SART3: variants seen among roughly 807,000 people sequenced by gnomAD.
SART3 encodes spliceosome associated factor 3, U4/U6 recycling protein.
SART3 carries 44 observed loss-of-function variants against 122.3 expected under a neutral mutation model. That is an observed-to-expected ratio of 0.36 (90% CI 0.28 to 0.46). The LOEUF (loss-of-function observed/expected upper bound fraction) is 0.46, where lower values mean the gene tolerates loss of function less well. Among genes scored for constraint, SART3 ranks in the 20% least tolerant of loss-of-function variants. The pLI is 1.00. For missense variants in SART3, 1,101 were observed against 1,229.0 expected, an observed-to-expected ratio of 0.90 and a Z score of 1.56; for synonymous variants, 442 against 454.0, an observed-to-expected ratio of 0.97 and a Z score of 0.34.
chr12:108,551,868 T>C (rs2030022723), intron 1 of SART3, among the ~76,000 whole-genome samples: 1 of 151,982 alleles, frequency 6.6e-6, no homozygotes, highest in South Asian at 2.1e-4. Context: ...AGAGGAAGTC[T>C]CCAAGAAAAT....
chr12:108,531,163 T>C (rs763705073), intron 14 of SART3, 41 bp downstream of exon 14: 102 of 1,541,846 alleles, frequency 6.6e-5, no homozygotes, highest in Non-Finnish European at 8.4e-5. Context: ...TGAGCCAAAA[T>C]AGCTACCAGA....
intron 2 of SART3, among the ~76,000 whole-genome samples, chr12:108,548,427 T>C (rs1873534586): frequency 6.6e-6 from 1 of 152,186 alleles, no homozygotes; most frequent in Admixed American, 6.5e-5. Context: ...AACTGAGTCT[T>C]AGAATGTTTA....
chr12:108,541,149 G>A (rs1873139390), intron 6 of SART3, among the ~76,000 whole-genome samples: 1 of 152,210 alleles, frequency 6.6e-6, no homozygotes, highest in Admixed American at 6.5e-5. Context: ...ACTCACGCCT[G>A]TAATCCCAGC....
intron 17 of SART3, 61 bp downstream of exon 17, chr12:108,525,396 G>A (rs893281786): frequency 3.4e-5 from 54 of 1,582,714 alleles, no homozygotes; most frequent in African/African-American, 4.0e-5. Flanking sequence ...TCTTTGAACC[G>A]ATACAGAAAC....
intron 15 of SART3, among the ~76,000 whole-genome samples, chr12:108,527,858 C>T (rs1187392978): frequency 1.3e-5 from 2 of 152,120 alleles, no homozygotes; most frequent in South Asian, 2.1e-4. Context: ...CTCTGCCTCC[C>T]GGGCTCAAGT....
intron 1 of SART3, among the ~76,000 whole-genome samples, chr12:108,557,216 T>TG (rs1178808951): frequency 3.5e-5 from 5 of 143,688 alleles, no homozygotes; most frequent in South Asian, 2.3e-4. Flanking sequence ...GTTTTTTTTT[T>TG]TTTTTTTTTT....
At position 108,539,111 on chromosome 12, in the gene SART3, T is replaced by C. The variant is rs199978943; in HGVS notation, c.907-22A>G. On this transcript the variant is annotated intron_variant, in intron 6 of 18. Transcript: ENST00000546815. ...GCAACTGGAGTACAGGAAAATTGTA[T>C]TGAATTTAGTTACTGGCAGGAAGCA... The C allele has an allele frequency of 1.7e-5, 27 of 1,613,866 alleles. No homozygotes were observed. In the East Asian group the frequency reaches 2.5e-4, roughly 15 times the overall value.
At chr12:108,540,369 T>C (rs1293530981) in intron 6 of SART3, among the ~76,000 whole-genome samples, 1 of 152,208 alleles carries the variant, frequency 6.6e-6, no homozygotes, top group Non-Finnish European at 1.5e-5. Context: ...AAGACCTTTT[T>C]GAACACAGAA....
At position 108,523,546 on chromosome 12, in the gene SART3, CAG is replaced by C; in HGVS notation, c.2801_2802del (p.Pro934ArgfsTer75). ...GGGGCGGCAACTGCAGGAGCCGCGG[CAG>C]GGCCGTTCTCAGCCTGAGGAGCTGC... ...SAAAPQAENG[P>X]AAAPAVAAPA... On this transcript the variant is annotated frameshift_variant, in exon 19 of 19. Transcript: ENST00000546815. LOFTEE classifies it high-confidence loss of function. 1 of 1,613,944 alleles carries C rather than the reference CAG, an allele frequency of 6.2e-7. No homozygotes were observed. Among genetic ancestry groups the C allele is most frequent in the Non-Finnish European group, 8.5e-7 (1 of 1,180,002 alleles).
chr12:108,531,833 AG>A, intron 13 of SART3: 1 of 327,740 alleles, frequency 3.1e-6, no homozygotes, highest in East Asian at 7.8e-5. Flanking sequence ...TGACTCTCAA[AG>A]GAGGGATCCT....
intron 12 of SART3, 62 bp downstream of exon 12, chr12:108,535,297 G>A: frequency 7.6e-7 from 1 of 1,322,020 alleles, no homozygotes; most frequent in Non-Finnish European, 1.1e-6. Flanking sequence ...GAGTCAGCCA[G>A]GAGTGAAGAC....
intron 1 of SART3, chr12:108,560,281 G>A (rs925301462): frequency 6.4e-6 from 1 of 156,480 alleles, no homozygotes; most frequent in Non-Finnish European, 1.4e-5. Flanking sequence ...AGGAAGTCGA[G>A]AGGGTGAGAG....
chr12:108,524,268 G>A, intron 18 of SART3, 48 bp downstream of exon 18: 1 of 1,499,424 alleles, frequency 6.7e-7, no homozygotes. Context: ...CCATGAACTG[G>A]TGCCAGCCAG....
intron 15 of SART3, among the ~76,000 whole-genome samples, chr12:108,527,872 T>C (rs1335534316): frequency 6.6e-6 from 1 of 151,940 alleles, no homozygotes; most frequent in Non-Finnish European, 1.5e-5. Context: ...CTCAAGTAAT[T>C]CTCCTGTCTC....
chr12:108,526,432 C>T lies in SART3; in HGVS notation c.2037G>A (p.Ser679=), dbSNP rs200135717. The T allele has an allele frequency of 1.2e-5, 20 of 1,614,040 alleles. No homozygotes were observed. The highest frequency in any genetic ancestry group is 1.2e-4 in the Admixed American group (7 of 59,990). Residue 679 remains serine (S), a synonymous_variant, in exon 16 of 19, where the codon TCG becomes TCA. Transcript: ENST00000546815. ...GGGAGGCTGCCTTCTCCTTCTGCTTCGAAGGGGGCTCCACATCTACGGCAG... is the reference window on the plus strand; with the variant it reads ...GGGAGGCTGCCTTCTCCTTCTGCTTTGAAGGGGGCTCCACATCTACGGCAG... ...KCAAVDVEPP[S]KQKEKAASLK... is the part of the protein sequence containing the mutation.
At chr12:108,553,362 G>A (rs968511711) in intron 1 of SART3, among the ~76,000 whole-genome samples, 1 of 152,148 alleles carries the variant, frequency 6.6e-6, no homozygotes, top group African/African-American at 2.4e-5. Flanking sequence ...ATCATTGAGG[G>A]AAACTGGGTA....
chr12:108,549,135 A>C lies in SART3; in HGVS notation c.392T>G (p.Val131Gly). ...LLRLEGELTK[V>G]RMARQKMSEI... ...ACTCATCTTCTGGCGGGCCATCCTCACCTTGGTAAGCTCCCCTTCCAGCCT... is the reference window on the plus strand; with the variant it reads ...ACTCATCTTCTGGCGGGCCATCCTCCCCTTGGTAAGCTCCCCTTCCAGCCT... The change falls in exon 2 of 19, where the codon GTG becomes GGG. Residue 131 changes from valine (V) to glycine (G), a missense_variant. Around this residue, in one of 2 missense-constraint regions of SART3, gnomAD observed 885 missense variants for 1,080.1 expected, o/e 0.82. Transcript: ENST00000546815. 6.2e-7 allele frequency: 1 copy of C among 1,614,166 alleles called. No individual in the cohort carries two copies. Among genetic ancestry groups the C allele is most frequent in the South Asian group, 1.1e-5 (1 of 91,088 alleles).
In SART3 at chr12:108,537,709, A is replaced by T. The variant is rs950164570; in HGVS notation, c.1202-114T>A. On this transcript the variant is annotated intron_variant, in intron 8 of 18. Transcript: ENST00000546815. ...ATGACTTTAAAGACTAATAGATGCA[A>T]CAGAATGAAATGAGCTAGACAGGAA... 19 of 803,934 alleles carry T rather than the reference A, an allele frequency of 2.4e-5. No homozygotes were observed. The Middle Eastern group carries it at 9.6e-4, about 41-fold the overall frequency. 49.8% of individuals were successfully genotyped at this position (803,934 alleles called of 1,614,324 possible). A position where few individuals can be genotyped will look rare whatever the true frequency, so the allele number is the denominator to read the frequency against.
At position 108,523,286 on chromosome 12, in the gene SART3, G is replaced by C. The variant is rs1277624367; in HGVS notation, c.*171C>G. On this transcript the variant is annotated 3_prime_UTR_variant, in exon 19 of 19. Transcript: ENST00000546815. ...ACTGCCCTCAATATGAGGGAGCACT[G>C]AAAGGCTCTTGACTTAGAACCCCTT... The C allele has an allele frequency of 4.2e-6, 3 of 721,850 alleles. No homozygotes were observed. The Admixed American group carries it at 6.3e-5, about 15-fold the overall frequency. The allele number at this position is 721,850 out of a possible 1,614,324, so 44.7% of individuals were successfully genotyped here. A position where few individuals can be genotyped will look rare whatever the true frequency, so the allele number is the denominator to read the frequency against.
Sources: gnomAD v4.1 joint callset for allele counts (sites outside exome capture counted in the v4.1 genomes callset) on GRCh38, gnomAD v4.1.1 for gene constraint, gnomAD v4.1.1 regional missense constraint, MANE v1.5 for transcripts, NCBI Gene and HGNC (gene_info 2026-07-23, HGNC 2026-07-21) for gene names.